The following EFR3A variants were observed in gnomAD, a reference collection of about 807,000 sequenced individuals.
The protein encoded by EFR3A is protein EFR3 homolog A.
EFR3A carries 76 observed loss-of-function variants against 104.4 expected under a neutral mutation model. The observed-to-expected ratio is 0.73, with a 90% CI of 0.60 to 0.88. The LOEUF (loss-of-function observed/expected upper bound fraction) is 0.88. Among genes scored for constraint, EFR3A ranks in the 40% least tolerant of loss-of-function variants. The probability of loss-of-function intolerance (pLI) is 0.00; values close to 1 mark genes in which losing one functional copy is unlikely to be tolerated. For synonymous variants in EFR3A, 330 were observed against 330.0 expected (o/e 1.00, Z 0.00); for missense variants, 985 against 1,012.5 (o/e 0.97, Z 0.37).
chr8:131,905,220 TA>T (rs1292957608), intron 1 of EFR3A, among the ~76,000 whole-genome samples: 1 of 152,202 alleles, frequency 6.6e-6, no homozygotes, highest in African/African-American at 2.4e-5. Flanking sequence ...CTCCTTTGAC[TA>T]AGTGTTCAAT....
At chr8:131,909,086 C>A (rs1816385962) in intron 1 of EFR3A, among the ~76,000 whole-genome samples, 1 of 152,168 alleles carries the variant, frequency 6.6e-6, no homozygotes, top group African/African-American at 2.4e-5. Context: ...AGAACTTACT[C>A]CGTCTAACTG....
chr8:131,978,299 T>C (rs1820421488), intron 12 of EFR3A, among the ~76,000 whole-genome samples: 1 of 152,134 alleles, frequency 6.6e-6, no homozygotes, highest in South Asian at 2.1e-4. Flanking sequence ...GTATATTCTC[T>C]TTAAAAGTTT....
Position 132,012,345 on chromosome 8 carries a change from A to T in EFR3A, c.*1450A>T, listed in dbSNP as rs1459217395. ...GATAATAGGACAAGCATACTTGAAA[A>T]TTTCTGAATACTTAAACAAAAGCGC... On this transcript the variant is annotated 3_prime_UTR_variant, in exon 23 of 23. Transcript: ENST00000254624. 1 of 152,176 alleles carries T rather than the reference A, an allele frequency of 6.6e-6. No homozygotes were observed. Among genetic ancestry groups the T allele is most frequent in the African/African-American group, 2.4e-5 (1 of 41,454 alleles). The allele number at this position is 152,176 out of a possible 1,614,324, so 9.4% of individuals were successfully genotyped here.
intron 1 of EFR3A, among the ~76,000 whole-genome samples, chr8:131,935,898 T>G (rs1817855409): frequency 6.6e-6 from 1 of 151,866 alleles, no homozygotes; most frequent in Non-Finnish European, 1.5e-5. Context: ...GTCCCCAAAT[T>G]TATAGAGTTG....
rs191872056 is a variant in EFR3A, at chr8:131,988,443, A to T, written c.2065+741A>T. 6.6e-5 allele frequency among the ~76,000 whole-genome samples: 10 copies of T among 152,098 alleles called. No individual in the cohort carries two copies. In the East Asian group the frequency reaches 1.9e-3, roughly 29 times the overall value. On this transcript the variant is annotated intron_variant, in intron 18 of 22. Transcript: ENST00000254624. The stretch of plus-strand genomic sequence containing the variant: ...CACTACAAGTAGTGCAGTCTTTGTA[A>T]ATGGCTTTTTTTTAATAACATGGAT...
chr8:131,972,968 T>G (rs1820150342), intron 10 of EFR3A, among the ~76,000 whole-genome samples: 1 of 151,204 alleles, frequency 6.6e-6, no homozygotes, highest in Admixed American at 6.6e-5. Flanking sequence ...ACACCAGTTC[T>G]TGTACTAGGG....
At chr8:131,986,787 C>T (rs1164236956) in intron 17 of EFR3A, among the ~76,000 whole-genome samples, 9 of 118,242 alleles carry the variant, frequency 7.6e-5, no homozygotes, top group Non-Finnish European at 1.4e-4. Flanking sequence ...GAGACTCCAT[C>T]TCAAAAAAAA....
At chr8:131,990,547 T>C (rs936753454) in intron 18 of EFR3A, among the ~76,000 whole-genome samples, 1 of 152,206 alleles carries the variant, frequency 6.6e-6, no homozygotes, top group Admixed American at 6.5e-5. Context: ...TTAGGAATTG[T>C]AAAGCAAGGT....
chr8:132,008,385 GAAA>G (rs1822150276), intron 22 of EFR3A, among the ~76,000 whole-genome samples: 3 of 152,038 alleles, frequency 2.0e-5, no homozygotes, highest in Admixed American at 2.0e-4. Context: ...TATATTCACA[GAAA>G]GATATATGTG....
At chr8:131,975,410 C>CTTTTTTTTTTTTTTTT (rs760100564) in intron 10 of EFR3A, among the ~76,000 whole-genome samples, 2 of 102,180 alleles carry the variant, frequency 2.0e-5, no homozygotes, top group South Asian at 2.9e-4. Context: ...TTTTTTTTTC[C>CTTTTTTTTTTTTTTTT]TATTTTTTTT....
intron 1 of EFR3A, among the ~76,000 whole-genome samples, chr8:131,906,243 A>G (rs922474946): frequency 2.6e-5 from 4 of 152,236 alleles, no homozygotes; most frequent in Non-Finnish European, 5.9e-5. Flanking sequence ...TTTGTAGAAT[A>G]TATATCCAAC....
chr8:131,910,815 G>T (rs117708525), intron 1 of EFR3A, among the ~76,000 whole-genome samples: 452 of 152,314 alleles, frequency 3.0e-3, no homozygotes, highest in Non-Finnish European at 5.0e-3. Context: ...TGGTGGGATG[G>T]ATTGCAGTGA....
chr8:131,976,153 G>C lies in EFR3A; in HGVS notation c.1274+12G>C. 1 of 1,457,866 alleles carries C rather than the reference G, an allele frequency of 6.9e-7. No homozygotes were observed. Among genetic ancestry groups the C allele is most frequent in the Non-Finnish European group, 9.5e-7 (1 of 1,056,136 alleles). 90.3% of individuals were successfully genotyped at this position (1,457,866 alleles called of 1,614,324 possible). On this transcript the variant is annotated intron_variant, in intron 11 of 22. Transcript: ENST00000254624. ...ATCAGTCAACTAGGGTATGTTCTCAGACTGTAAATTTGAACTTAATCTTGA... is the reference window on the plus strand; with the variant it reads ...ATCAGTCAACTAGGGTATGTTCTCACACTGTAAATTTGAACTTAATCTTGA...
At position 131,913,464 on chromosome 8, in the gene EFR3A, G is replaced by A. The variant is rs147978422; in HGVS notation, c.10+9142G>A. Among the ~76,000 whole-genome samples the A allele has an allele frequency of 3.5e-4, 51 of 147,210 alleles. 1 individual carries two copies. The East Asian group carries it at 4.1e-3, about 12-fold the overall frequency. ...TATGGAGGAAGGAAACACTAGTCAG[G>A]TTTTTTTTTTTAATTTTACTTCTGA... On this transcript the variant is annotated intron_variant, in intron 1 of 22. Transcript: ENST00000254624.
intron 18 of EFR3A, among the ~76,000 whole-genome samples, chr8:131,993,297 C>T (rs1299644558): frequency 6.6e-6 from 1 of 152,136 alleles, no homozygotes; most frequent in African/African-American, 2.4e-5. Context: ...ACATCATCCA[C>T]ATTCTGGAAT....
intron 19 of EFR3A, among the ~76,000 whole-genome samples, chr8:131,998,125 A>C (rs538494451): frequency 6.6e-6 from 1 of 152,076 alleles, no homozygotes; most frequent in South Asian, 2.1e-4. Context: ...TTCATTTACC[A>C]TTGTGGAATC....
At chr8:131,993,765 A>T (rs1051817273) in intron 18 of EFR3A, among the ~76,000 whole-genome samples, 6 of 152,034 alleles carry the variant, frequency 3.9e-5, no homozygotes, top group Non-Finnish European at 8.8e-5. Flanking sequence ...TAGCCAGTTG[A>T]TTCCATGTCT....
At chr8:132,003,155 T>C (rs889312844) in intron 21 of EFR3A, 81 bp from the exon 22 acceptor site, 5 of 1,132,932 alleles carry the variant, frequency 4.4e-6, no homozygotes, top group Non-Finnish European at 6.5e-6. Context: ...AATTATACTT[T>C]GTCTCTTAAG....
intron 1 of EFR3A, among the ~76,000 whole-genome samples, chr8:131,904,604 A>T (rs780092281): frequency 1.3e-5 from 2 of 152,230 alleles, no homozygotes; most frequent in Non-Finnish European, 2.9e-5. Context: ...GTGGGATTTC[A>T]AAGTTAAAGC....
Sources: allele counts gnomAD v4.1 joint callset (sites outside exome capture counted in the v4.1 genomes callset), GRCh38; gene constraint gnomAD v4.1.1; transcripts MANE v1.5; gene names NCBI Gene and HGNC (gene_info 2026-07-23, HGNC 2026-07-21).